Variants in TTC28 observed in about 807,000 individuals in gnomAD.
TTC28 encodes tetratricopeptide repeat protein 28.
TTC28 carries 61 observed loss-of-function variants against 198.0 expected under a neutral mutation model. That is an observed-to-expected ratio of 0.31 (90% CI 0.25 to 0.38). TTC28 has a LOEUF of 0.38. Ranked by LOEUF, TTC28 falls within the 10% of genes least tolerant of loss-of-function variation. TTC28 has a pLI of 1.00. For missense variants in TTC28, 2,678 were observed against 3,164.0 expected (o/e 0.85, Z 3.69); for synonymous variants, 1,171 against 1,297.8 (o/e 0.90, Z 2.10).
chr22:28,437,417 A>G (rs909126757), intron 2 of TTC28, among the ~76,000 whole-genome samples: 2 of 152,254 alleles, frequency 1.3e-5, no homozygotes, highest in African/African-American at 4.8e-5. Context: ...ACATAAAAAC[A>G]TAAGTTCTCA....
chr22:28,517,103 A>G (rs2048805142), intron 2 of TTC28, among the ~76,000 whole-genome samples: 1 of 152,188 alleles, frequency 6.6e-6, no homozygotes, highest in Non-Finnish European at 1.5e-5. Flanking sequence ...TTCCAAATCT[A>G]AAGCCCACCA....
chr22:28,001,699 C>G (rs1307452697), intron 14 of TTC28, 146 bp from the exon 15 acceptor site: 2 of 923,458 alleles, frequency 2.2e-6, no homozygotes. Flanking sequence ...GGGCATGGGC[C>G]GAGTTGCAGC....
chr22:28,532,095 C>G (rs1303771516), intron 2 of TTC28, among the ~76,000 whole-genome samples: 1 of 151,898 alleles, frequency 6.6e-6, no homozygotes, highest in African/African-American at 2.4e-5. Context: ...CACAAAAAAC[C>G]CTTCAAAAAA....
At chr22:28,407,640 T>C (rs1376253639) in intron 2 of TTC28, among the ~76,000 whole-genome samples, 2 of 152,224 alleles carry the variant, frequency 1.3e-5, no homozygotes, top group African/African-American at 2.4e-5. Context: ...ACTAATCTTA[T>C]TTTATAAGAA....
At chr22:28,032,267 AGTGTGTGTGT>A (rs370005298) in intron 12 of TTC28, among the ~76,000 whole-genome samples, 1 of 78,722 alleles carries the variant, frequency 1.3e-5, no homozygotes, top group Admixed American at 1.5e-4. Flanking sequence ...ATATATATAT[AGTGTGTGTGT>A]GTGTGTGTGT....
At chr22:28,407,476 A>G (rs796648810) in intron 2 of TTC28, among the ~76,000 whole-genome samples, 12 of 127,822 alleles carry the variant, frequency 9.4e-5, no homozygotes, top group African/African-American at 2.8e-4. Flanking sequence ...GCGTGCGCAC[A>G]CACACACACA....
intron 2 of TTC28, among the ~76,000 whole-genome samples, chr22:28,393,556 T>G (rs1025423108): frequency 2.6e-5 from 4 of 151,980 alleles, no homozygotes; most frequent in Admixed American, 1.3e-4. Flanking sequence ...TAGCCAAGTA[T>G]AGTGGTGCAT....
At chr22:28,636,690 C>G (rs2051277941) in intron 1 of TTC28, among the ~76,000 whole-genome samples, 1 of 152,046 alleles carries the variant, frequency 6.6e-6, no homozygotes, top group African/African-American at 2.4e-5. Context: ...AAATTATATT[C>G]AGGTATTTCG....
chr22:28,031,142 A>T (rs1319285848), intron 12 of TTC28, among the ~76,000 whole-genome samples: 1 of 152,230 alleles, frequency 6.6e-6, no homozygotes, highest in Non-Finnish European at 1.5e-5. Context: ...TATTAAATGT[A>T]AAAGCCATGC....
rs2146205811 is a variant in TTC28 at position 28,629,806 on chromosome 22, T to C, written c.127A>G (p.Ile43Val). ...APIPLFGADT[I>V]GQRSPDGPVL... ...GGTCCATCAGGACTTCTCTGGCCAA[T>C]AGTGTCAGCACCAAAGAGAGGAATC... The change falls in exon 2 of 23, where the codon ATT becomes GTT. Residue 43 changes from isoleucine (I) to valine (V), a missense_variant. Physicochemically the swap from Ile to Val is conservative, Grantham distance 29. Transcript: ENST00000397906. The C allele has an allele frequency of 6.4e-7, 1 of 1,551,578 alleles. No homozygotes were observed. The highest frequency in any genetic ancestry group is 2.0e-5 in the Admixed American group (1 of 50,970).
intron 2 of TTC28, among the ~76,000 whole-genome samples, chr22:28,385,456 G>A (rs1293805207): frequency 6.6e-6 from 1 of 151,424 alleles, no homozygotes; most frequent in Non-Finnish European, 1.5e-5. Flanking sequence ...CTTTTTTACA[G>A]TTTACATTTT....
At chr22:28,047,806 G>A (rs935538951) in intron 12 of TTC28, among the ~76,000 whole-genome samples, 2 of 152,172 alleles carry the variant, frequency 1.3e-5, no homozygotes, top group Non-Finnish European at 2.9e-5. Context: ...AAGAGGAAGA[G>A]GGATTTCAGT....
chr22:28,428,452 T>C (rs953819343), intron 2 of TTC28, among the ~76,000 whole-genome samples: 3 of 152,098 alleles, frequency 2.0e-5, no homozygotes, highest in African/African-American at 7.2e-5. Context: ...TTTCAATGTT[T>C]CCATAGCACC....
chr22:28,177,432 T>G (rs1312319352), intron 5 of TTC28, among the ~76,000 whole-genome samples: 2 of 152,236 alleles, frequency 1.3e-5, no homozygotes, highest in African/African-American at 4.8e-5. Flanking sequence ...ACAGCCACTT[T>G]GGAAGACAGT....
intron 5 of TTC28, among the ~76,000 whole-genome samples, chr22:28,264,490 A>C (rs932982064): frequency 2.0e-5 from 3 of 152,218 alleles, no homozygotes; most frequent in African/African-American, 7.2e-5. Flanking sequence ...AAATGTGTTC[A>C]GGAGAAGATG....
chr22:28,445,494 TG>T (rs1168677282), intron 2 of TTC28, among the ~76,000 whole-genome samples: 4 of 152,250 alleles, frequency 2.6e-5, no homozygotes, highest in Admixed American at 2.0e-4. Context: ...CAGCTTAGTC[TG>T]GAGCCAAAAG....
intron 2 of TTC28, among the ~76,000 whole-genome samples, chr22:28,475,149 C>CAAAAAAAAAAAAAAA (rs386395148): frequency 6.2e-5 from 4 of 64,990 alleles, no homozygotes; most frequent in East Asian, 4.8e-4. Flanking sequence ...GACTCCATCT[C>CAAAAAAAAAAAAAAA]AAAAAAAAAA....
At chr22:28,187,355 C>A (rs1443478577) in intron 5 of TTC28, among the ~76,000 whole-genome samples, 1 of 152,128 alleles carries the variant, frequency 6.6e-6, no homozygotes, top group Non-Finnish European at 1.5e-5. Context: ...TTAAAAAACA[C>A]AGAATCTTTA....
intron 1 of TTC28, among the ~76,000 whole-genome samples, chr22:28,677,979 A>T (rs562638239): frequency 1.2e-4 from 19 of 152,226 alleles, no homozygotes; most frequent in Middle Eastern, 3.4e-3. Context: ...TTAAAAATTT[A>T]AAAAATCACA....
Sources: allele counts gnomAD v4.1 joint callset (sites outside exome capture counted in the v4.1 genomes callset), GRCh38; gene constraint gnomAD v4.1.1; transcripts MANE v1.5; gene names NCBI Gene and HGNC (gene_info 2026-07-23, HGNC 2026-07-21).